Variants in GRID2 observed in about 807,000 individuals in gnomAD.
The protein encoded by GRID2 is glutamate ionotropic receptor delta type subunit 2.
GRID2 carries 33 observed loss-of-function variants against 114.8 expected under a neutral mutation model. The ratio of observed to expected loss-of-function variants is 0.29; its 90% CI spans 0.22 to 0.38. GRID2 has a LOEUF of 0.38. GRID2 is among the 10% of genes least tolerant of loss of function. GRID2 has a pLI of 1.00. For missense variants in GRID2, 1,184 were observed against 1,257.7 expected, an observed-to-expected ratio of 0.94 and a Z score of 0.89; for synonymous variants, 505 against 449.9, an observed-to-expected ratio of 1.12 and a Z score of -1.55.
intron 2 of GRID2, among the ~76,000 whole-genome samples, chr4:92,696,776 GAAAGAGACA>G (rs1645495596): frequency 3.3e-5 from 5 of 152,068 alleles, no homozygotes; most frequent in Non-Finnish European, 5.9e-5. Flanking sequence ...ACCTGTAATT[GAAAGAGACA>G]TTAATGTGTG....
intron 2 of GRID2, among the ~76,000 whole-genome samples, chr4:92,970,607 TATC>T (rs1363006804): frequency 2.0e-5 from 3 of 152,124 alleles, no homozygotes; most frequent in South Asian, 4.1e-4. Flanking sequence ...TAGAATATGA[TATC>T]ATAAACATCA....
At chr4:93,080,178 T>A (rs1729729880) in intron 2 of GRID2, among the ~76,000 whole-genome samples, 1 of 152,134 alleles carries the variant, frequency 6.6e-6, no homozygotes, top group Admixed American at 6.6e-5. Flanking sequence ...GTTACTGTAT[T>A]CCTAGAAGTA....
intron 1 of GRID2, among the ~76,000 whole-genome samples, chr4:92,441,778 A>C (rs1003410652): frequency 2.0e-5 from 3 of 152,060 alleles, no homozygotes; most frequent in Admixed American, 1.3e-4. Context: ...TCGGTCGCCA[A>C]GGAGGGAGTA....
chr4:93,427,204 A>G (rs187293189), intron 10 of GRID2, among the ~76,000 whole-genome samples: 90 of 152,144 alleles, frequency 5.9e-4, no homozygotes, highest in Middle Eastern at 3.4e-3. Flanking sequence ...AAAATACCAT[A>G]AAATAATTTA....
intron 13 of GRID2, among the ~76,000 whole-genome samples, chr4:93,590,673 C>T (rs1738163361): frequency 6.6e-6 from 1 of 152,162 alleles, no homozygotes; most frequent in Admixed American, 6.5e-5. Context: ...GATATTGATT[C>T]TTCCTACCCA....
chr4:93,388,337 T>C (rs1417648148), intron 8 of GRID2, among the ~76,000 whole-genome samples: 9 of 152,208 alleles, frequency 5.9e-5, no homozygotes, highest in Admixed American at 5.9e-4. Flanking sequence ...TTCATAACTT[T>C]ACACAATACT....
chr4:93,284,373 G>A (rs1158922392), intron 8 of GRID2, among the ~76,000 whole-genome samples: 2 of 152,046 alleles, frequency 1.3e-5, no homozygotes, highest in African/African-American at 4.8e-5. Flanking sequence ...AGGATGGGAG[G>A]AGGGAAAGGA....
intron 4 of GRID2, among the ~76,000 whole-genome samples, chr4:93,188,834 G>A (rs1050375224): frequency 6.6e-6 from 1 of 152,094 alleles, no homozygotes; most frequent in Non-Finnish European, 1.5e-5. Context: ...ACACGATTCA[G>A]TCAAGTTCCT....
chr4:93,729,348 C>G (rs1214477731), intron 14 of GRID2, among the ~76,000 whole-genome samples: 1 of 152,144 alleles, frequency 6.6e-6, no homozygotes, highest in East Asian at 1.9e-4. Context: ...TGAAAAACCT[C>G]TAAATTCAGA....
At chr4:93,177,776 T>C (rs1195772380) in intron 4 of GRID2, among the ~76,000 whole-genome samples, 1 of 152,106 alleles carries the variant, frequency 6.6e-6, no homozygotes, top group Non-Finnish European at 1.5e-5. Context: ...TTGTCATTGC[T>C]CCTTTATAAT....
intron 12 of GRID2, among the ~76,000 whole-genome samples, chr4:93,512,119 T>C (rs1055594824): frequency 6.6e-5 from 10 of 152,046 alleles, no homozygotes; most frequent in Non-Finnish European, 1.3e-4. Context: ...TCTGAGAAAA[T>C]GTCTATTGTT....
intron 8 of GRID2, among the ~76,000 whole-genome samples, chr4:93,364,109 T>C (rs1171669577): frequency 6.6e-6 from 1 of 152,094 alleles, no homozygotes; most frequent in Non-Finnish European, 1.5e-5. Flanking sequence ...TAGTTTTTTC[T>C]TTCTAAAAAT....
At chr4:93,103,773 G>C (rs181587174) in intron 3 of GRID2, among the ~76,000 whole-genome samples, 7 of 151,566 alleles carry the variant, frequency 4.6e-5, no homozygotes, top group African/African-American at 1.7e-4. Context: ...CACAAAGAAG[G>C]TTAAGAAATT....
chr4:93,053,471 T>A (rs993915495), intron 2 of GRID2, among the ~76,000 whole-genome samples: 1 of 151,858 alleles, frequency 6.6e-6, no homozygotes, highest in Non-Finnish European at 1.5e-5. Flanking sequence ...TCTGTCTAGT[T>A]TTTTCTGGAT....
chr4:93,608,853 T>A (rs916479188), intron 13 of GRID2, among the ~76,000 whole-genome samples: 1 of 133,514 alleles, frequency 7.5e-6, no homozygotes, highest in African/African-American at 2.8e-5. Context: ...GGTCAAATGG[T>A]ATTTCTAGTT....
intron 2 of GRID2, among the ~76,000 whole-genome samples, chr4:92,830,200 C>A (rs1384589626): frequency 6.6e-6 from 1 of 151,496 alleles, no homozygotes; most frequent in Non-Finnish European, 1.5e-5. Context: ...AAACAGTGTC[C>A]AGTTATTTTA....
At chr4:93,793,119 A>C (rs1303836841) in intron 1 of GRID2, among the ~76,000 whole-genome samples, 1 of 152,246 alleles carries the variant, frequency 6.6e-6, no homozygotes, top group Non-Finnish European at 1.5e-5. Flanking sequence ...TTGAAATATA[A>C]ATGTATAACT....
chr4:93,709,554 G>A (rs1181012978), intron 14 of GRID2, among the ~76,000 whole-genome samples: 6 of 152,120 alleles, frequency 3.9e-5, no homozygotes, highest in African/African-American at 1.4e-4. Flanking sequence ...ATGCCTTGAG[G>A]TAGTATTCTT....
intron 2 of GRID2, among the ~76,000 whole-genome samples, chr4:92,684,713 G>A (rs963440323): frequency 1.3e-5 from 2 of 151,976 alleles, no homozygotes; most frequent in African/African-American, 4.8e-5. Flanking sequence ...TTACCTGAAG[G>A]TATTTGTAAA....
Sources: gnomAD v4.1 joint callset for allele counts (sites outside exome capture counted in the v4.1 genomes callset) on GRCh38, gnomAD v4.1.1 for gene constraint, MANE v1.5 for transcripts, NCBI Gene and HGNC (gene_info 2026-07-23, HGNC 2026-07-21) for gene names.